The following KIF5C variants were observed in gnomAD, a reference collection of about 807,000 sequenced individuals.
KIF5C encodes the protein kinesin family member 5C, also known as kinesin heavy chain isoform 5C.
Under a neutral mutation model 125.2 loss-of-function variants are expected in KIF5C, and 18 were observed. That is an observed-to-expected ratio of 0.14 (90% CI 0.10 to 0.21). The LOEUF (loss-of-function observed/expected upper bound fraction) is 0.21. Among genes scored for constraint, KIF5C ranks in the 10% least tolerant of loss-of-function variants. KIF5C has a pLI of 1.00. For synonymous variants in KIF5C, 405 were observed against 434.0 expected, an observed-to-expected ratio of 0.93 and a Z score of 0.83; for missense variants, 780 against 1,183.8, an observed-to-expected ratio of 0.66 and a Z score of 5.01.
At chr2:148,887,683 T>C (rs1681579921) in intron 1 of KIF5C, among the ~76,000 whole-genome samples, 1 of 145,624 alleles carries the variant, frequency 6.9e-6, no homozygotes, top group African/African-American at 2.5e-5. Flanking sequence ...AAAATTTGCT[T>C]TTTTTTTTTT....
chr2:149,008,128 C>G (rs1346272100), intron 23 of KIF5C, 61 bp downstream of exon 23: 4 of 1,531,562 alleles, frequency 2.6e-6, no homozygotes, highest in Non-Finnish European at 3.5e-6. Flanking sequence ...GAAGCCCCAC[C>G]AGGTTTGGCC....
intron 1 of KIF5C, among the ~76,000 whole-genome samples, chr2:148,906,006 T>A (rs958603756): frequency 6.6e-6 from 1 of 152,078 alleles, no homozygotes; most frequent in African/African-American, 2.4e-5. Flanking sequence ...TCCCACAGGG[T>A]ACCCCCATGA....
intron 1 of KIF5C, among the ~76,000 whole-genome samples, chr2:148,918,665 A>G (rs1681657069): frequency 6.6e-6 from 1 of 152,240 alleles, no homozygotes; most frequent in African/African-American, 2.4e-5. Context: ...TCATACAGAG[A>G]AAAGTCCGTG....
At chr2:149,005,512 C>A in intron 22 of KIF5C, 48 bp downstream of exon 22, 1 of 1,601,002 alleles carries the variant, frequency 6.2e-7, no homozygotes, top group South Asian at 1.1e-5. Flanking sequence ...TCAAAGATGG[C>A]AGGGAAGAAT....
chr2:149,016,279 G>T (rs1012553644), intron 25 of KIF5C, among the ~76,000 whole-genome samples: 4 of 152,210 alleles, frequency 2.6e-5, no homozygotes, highest in African/African-American at 4.8e-5. Context: ...CGTGGAAGCA[G>T]TGGGAGCTGG....
chr2:148,921,778 A>G (rs1283917472), intron 1 of KIF5C, among the ~76,000 whole-genome samples: 1 of 150,988 alleles, frequency 6.6e-6, no homozygotes, highest in African/African-American at 2.5e-5. Context: ...AATGATTCAC[A>G]AGAGCAAGAC....
At chr2:148,981,332 T>A in intron 13 of KIF5C, 23 bp from the exon 14 acceptor site, 1 of 1,592,210 alleles carries the variant, frequency 6.3e-7, no homozygotes, top group South Asian at 1.2e-5. Context: ...ATTCACAAGT[T>A]CCATGCCATC....
chr2:148,875,580 C>CCCCCCCTCCCCCTG lies in KIF5C; in HGVS notation c.-37_-36insCCCCCTCCCCCTGC. 1.3e-6 allele frequency: 1 copy of CCCCCCCTCCCCCTG among 778,884 alleles called. No individual in the cohort carries two copies. The highest frequency in any genetic ancestry group is 1.5e-5 in the South Asian group (1 of 67,180). The allele number at this position is 778,884 out of a possible 1,614,324, so 48.2% of individuals were successfully genotyped here. A position where few individuals can be genotyped will look rare whatever the true frequency, so the allele number is the denominator to read the frequency against. On this transcript the variant is annotated 5_prime_UTR_variant, in exon 1 of 26. Transcript: ENST00000435030. Reference sequence around the variant, plus strand: ...CCTCGTCGTTCCCGGCCCCGGCCCCCCACCCATCCCCGTGCCCCCTCCCTA... The same window carrying CCCCCCCTCCCCCTG: ...CCTCGTCGTTCCCGGCCCCGGCCCCCCCCCCCTCCCCCTGCACCCATCCCCGTGCCCCCTCCCTA...
chr2:148,917,322 A>G (rs1018861678), intron 1 of KIF5C, among the ~76,000 whole-genome samples: 4 of 152,096 alleles, frequency 2.6e-5, no homozygotes, highest in Admixed American at 6.5e-5. Context: ...TAGTCTTAGC[A>G]TGTGTTATTG....
rs564545392 is a variant in KIF5C at position 148,950,477 on chromosome 2, T to C, written c.968+15T>C. ...TTCGGACAGAGGTACGTGTGGTCTC[T>C]CAGGACCCATCCTCTGTGCTAGGTC... On this transcript the variant is annotated intron_variant, in intron 10 of 25. Transcript: ENST00000435030. 7 of 1,610,050 alleles carry C rather than the reference T, an allele frequency of 4.3e-6. No individual in the cohort carries two copies. The South Asian group carries it at 7.8e-5, about 18-fold the overall frequency.
At chr2:148,954,190 G>A (rs569560441) in intron 10 of KIF5C, among the ~76,000 whole-genome samples, 1 of 152,034 alleles carries the variant, frequency 6.6e-6, no homozygotes, top group African/African-American at 2.4e-5. Context: ...CCATTCAGTC[G>A]GGGTTGTTTC....
intron 1 of KIF5C, among the ~76,000 whole-genome samples, chr2:148,882,153 C>T (rs1320726313): frequency 5.9e-5 from 9 of 152,200 alleles, no homozygotes; most frequent in Admixed American, 2.6e-4. Flanking sequence ...GGCGTCTTCA[C>T]AGCACCGAAC....
chr2:148,965,784 G>T (rs983201309), intron 11 of KIF5C, among the ~76,000 whole-genome samples: 3 of 152,122 alleles, frequency 2.0e-5, no homozygotes, highest in South Asian at 2.1e-4. Context: ...AACTGAGTGG[G>T]CCTGACTCTA....
At chr2:148,935,291 G>GA (rs1419895796) in intron 3 of KIF5C, among the ~76,000 whole-genome samples, 7 of 152,334 alleles carry the variant, frequency 4.6e-5, no homozygotes, top group African/African-American at 2.4e-5. Flanking sequence ...AAGCATCTAG[G>GA]AAAATAGATT....
At position 148,950,342 on chromosome 2, in the gene KIF5C, A is replaced by C; in HGVS notation, c.848A>C (p.Lys283Thr). The C allele has an allele frequency of 6.2e-7, 1 of 1,614,058 alleles. No homozygotes were observed. ...ACACATGTGCCATACCGGGACAGCA[A>C]GATGACTCGGATTCTTCAGGACTCT... ...TKTHVPYRDS[K>T]MTRILQDSLG... is the part of the protein sequence containing the mutation. The change falls in exon 10 of 26, where the codon AAG becomes ACG. Residue 283 changes from lysine (K) to threonine (T), a missense_variant. This residue lies in a region of KIF5C where 207 missense variants were observed against 441.2 expected (regional missense o/e 0.47). Coordinates refer to ENST00000435030, the MANE Select transcript of KIF5C (RefSeq NM_004522.3).
At chr2:148,900,747 A>G (rs1194196057) in intron 1 of KIF5C, among the ~76,000 whole-genome samples, 1 of 152,204 alleles carries the variant, frequency 6.6e-6, no homozygotes, top group East Asian at 1.9e-4. Context: ...GGGGACAAAG[A>G]AATGGAGCTT....
At chr2:148,882,369 G>A (rs1334358036) in intron 1 of KIF5C, among the ~76,000 whole-genome samples, 2 of 152,204 alleles carry the variant, frequency 1.3e-5, no homozygotes, top group African/African-American at 4.8e-5. Flanking sequence ...ATAAGGCCCA[G>A]TAGTGCTTAC....
chr2:148,941,935 T>C lies in KIF5C; in HGVS notation c.446T>C (p.Val149Ala). The change falls in exon 6 of 26, where the codon GTA becomes GCA. Residue 149 changes from valine (V) to alanine (A), a missense_variant and splice_region_variant. Val to Ala is a moderately conservative substitution (Grantham distance 64). Transcript: ENST00000435030. The stretch of plus-strand genomic sequence containing the variant: ...CCTGCTGTCATTCTCATCTTTTTAG[T>C]ATCCAAGACCAACTTGGCTGTTCAT... ...YLDKIRDLLDVSKTNLAVHED... is the reference protein window; with the variant it reads ...YLDKIRDLLDASKTNLAVHED... 2 of 1,611,054 alleles carry C rather than the reference T, an allele frequency of 1.2e-6. No individual in the cohort carries two copies. The highest frequency in any genetic ancestry group is 1.7e-6 in the Non-Finnish European group (2 of 1,179,330).
intron 1 of KIF5C, among the ~76,000 whole-genome samples, chr2:148,903,733 T>C (rs1459021643): frequency 5.3e-5 from 8 of 152,190 alleles, no homozygotes; most frequent in Non-Finnish European, 8.8e-5. Flanking sequence ...CTGCGATAAC[T>C]TGCCCAAGGT....
Sources: allele counts gnomAD v4.1 joint callset (sites outside exome capture counted in the v4.1 genomes callset), GRCh38; gene constraint gnomAD v4.1.1; regional missense constraint gnomAD v4.1.1; transcripts MANE v1.5; gene names NCBI Gene and HGNC (gene_info 2026-07-23, HGNC 2026-07-21).